Variants in GPHN observed in about 807,000 individuals in gnomAD.
The protein encoded by GPHN is gephyrin.
GPHN carries 17 observed loss-of-function variants against 95.5 expected under a neutral mutation model. The ratio of observed to expected loss-of-function variants is 0.18; its 90% confidence interval spans 0.12 to 0.27. The LOEUF is 0.27. GPHN is among the 10% of genes least tolerant of loss of function. The probability of loss-of-function intolerance (pLI) is 1.00; values close to 1 mark genes in which losing one functional copy is unlikely to be tolerated. For synonymous variants in GPHN, 320 were observed against 322.5 expected (o/e 0.99, Z 0.08); for missense variants, 660 against 978.1 (o/e 0.67, Z 4.34).
In GPHN at chr14:66,924,295, A is replaced by G. The variant is rs1280518945; in HGVS notation, c.828+3A>G. On this transcript the variant is annotated splice_donor_region_variant and intron_variant, in intron 8 of 22. Coordinates refer to ENST00000478722, the MANE Select transcript of GPHN (RefSeq NM_020806.5). The stretch of plus-strand genomic sequence containing the variant: ...CCCATCATTCAACAGATGAACGGGT[A>G]AGACAAGAGGCTTTTGCATTAATGG... 6.5e-7 allele frequency: 1 copy of G among 1,530,682 alleles called. No homozygotes were observed. The highest frequency in any genetic ancestry group is 9.1e-7 in the Non-Finnish European group (1 of 1,103,932). The allele number at this position is 1,530,682 out of a possible 1,614,324, so 94.8% of individuals were successfully genotyped here.
At chr14:66,567,625 A>T (rs2060515535) in intron 1 of GPHN, among the ~76,000 whole-genome samples, 1 of 152,214 alleles carries the variant, frequency 6.6e-6, no homozygotes, top group South Asian at 2.1e-4. Flanking sequence ...AGGGAATGAT[A>T]ATCTCATAAC....
At chr14:67,656,178 G>A in the GPHN span, among the ~76,000 whole-genome samples, 5 of 151,710 alleles carry the variant, frequency 3.3e-5, no homozygotes, top group South Asian at 4.2e-4. Flanking sequence ...CCCAGGATGC[G>A]GAGGTTGCAG....
chr14:67,191,353 A>G, the GPHN span, among the ~76,000 whole-genome samples: 1 of 152,254 alleles, frequency 6.6e-6, no homozygotes, highest in Non-Finnish European at 1.5e-5. Flanking sequence ...AACTTTTTAT[A>G]ATAAAATATT....
At chr14:66,686,082 C>T (rs926569308) in intron 2 of GPHN, among the ~76,000 whole-genome samples, 1 of 152,168 alleles carries the variant, frequency 6.6e-6, no homozygotes, top group African/African-American at 2.4e-5. Flanking sequence ...TTTCTGAGGG[C>T]TCTGTTCTGT....
At chr14:67,502,270 G>C in the GPHN span, among the ~76,000 whole-genome samples, 1 of 151,702 alleles carries the variant, frequency 6.6e-6, no homozygotes, top group South Asian at 2.1e-4. Context: ...GGTGGAGGTT[G>C]CAGTGAGCCG....
intron 7 of GPHN, among the ~76,000 whole-genome samples, chr14:66,923,860 A>T (rs1446197838): frequency 2.0e-5 from 3 of 151,996 alleles, no homozygotes; most frequent in African/African-American, 7.2e-5. Context: ...CCATTCAGTG[A>T]TCCAGTGAGT....
chr14:67,476,610 A>C, the GPHN span, among the ~76,000 whole-genome samples: 1 of 152,168 alleles, frequency 6.6e-6, no homozygotes, highest in Non-Finnish European at 1.5e-5. Flanking sequence ...TATAAATAAA[A>C]TAAAAAAGAT....
At chr14:67,400,869 A>C in the GPHN span, among the ~76,000 whole-genome samples, 1 of 152,128 alleles carries the variant, frequency 6.6e-6, no homozygotes, top group Non-Finnish European at 1.5e-5. Flanking sequence ...ACACATCTGC[A>C]GTCCCAGCTA....
intron 8 of GPHN, among the ~76,000 whole-genome samples, chr14:66,952,280 C>G (rs2068156079): frequency 6.6e-6 from 1 of 152,194 alleles, no homozygotes; most frequent in African/African-American, 2.4e-5. Context: ...TAAATGCAAT[C>G]ATACAATATG....
At chr14:67,665,796 C>T in the GPHN span, among the ~76,000 whole-genome samples, 1 of 152,110 alleles carries the variant, frequency 6.6e-6, no homozygotes, top group Admixed American at 6.5e-5. Context: ...CCTTAATATA[C>T]ACAAGATACT....
the GPHN span, among the ~76,000 whole-genome samples, chr14:67,489,938 T>C: frequency 6.6e-6 from 1 of 151,314 alleles, no homozygotes; most frequent in South Asian, 2.1e-4. Context: ...TGCAGTGATC[T>C]GAGACCACGC....
intron 1 of GPHN, among the ~76,000 whole-genome samples, chr14:66,586,927 ACTGT>A (rs2061445590): frequency 6.6e-6 from 1 of 152,202 alleles, no homozygotes; most frequent in Non-Finnish European, 1.5e-5. Flanking sequence ...TGAAATAGAG[ACTGT>A]AAAACAATAG....
At chr14:67,434,746 T>C in the GPHN span, among the ~76,000 whole-genome samples, 4 of 152,278 alleles carry the variant, frequency 2.6e-5, no homozygotes, top group South Asian at 2.1e-4. Flanking sequence ...CCGTGTTTTG[T>C]TGCTTATAAC....
At chr14:67,579,284 C>A in the GPHN span, 1 of 1,564,034 alleles carries the variant, frequency 6.4e-7, no homozygotes, top group Non-Finnish European at 8.6e-7. Context: ...TCAGCATCCC[C>A]GTGCACTTTA....
chr14:67,497,628 A>T, the GPHN span, among the ~76,000 whole-genome samples: 1 of 152,196 alleles, frequency 6.6e-6, no homozygotes, highest in Non-Finnish European at 1.5e-5. Flanking sequence ...TTTCTAAAAT[A>T]AACACAGGCG....
chr14:66,607,034 T>G (rs941154673), intron 1 of GPHN, among the ~76,000 whole-genome samples: 1 of 152,190 alleles, frequency 6.6e-6, no homozygotes, highest in African/African-American at 2.4e-5. Context: ...TCAAGGAGAA[T>G]GACTCCGGCT....
At chr14:66,974,483 C>T (rs1164109471) in intron 9 of GPHN, among the ~76,000 whole-genome samples, 3 of 151,996 alleles carry the variant, frequency 2.0e-5, no homozygotes, top group African/African-American at 7.2e-5. Context: ...AATGTAACAA[C>T]TATGAAATGT....
chr14:67,642,211 T>G, the GPHN span: 2 of 1,613,942 alleles, frequency 1.2e-6, no homozygotes, highest in Non-Finnish European at 1.7e-6. Flanking sequence ...ACTTTGGAGA[T>G]TTGAGTTTTA....
chr14:67,434,994 T>G, the GPHN span, among the ~76,000 whole-genome samples: 2 of 140,182 alleles, frequency 1.4e-5, no homozygotes, highest in African/African-American at 2.8e-5. Context: ...TGAGATGGAG[T>G]CTCACTCTGT....
Sources: allele counts gnomAD v4.1 joint callset (sites outside exome capture counted in the v4.1 genomes callset), GRCh38; gene constraint gnomAD v4.1.1; transcripts MANE v1.5; gene names NCBI Gene and HGNC (gene_info 2026-07-23, HGNC 2026-07-21).